Variants in TMX3 observed in about 807,000 individuals in gnomAD.
TMX3 encodes the protein thioredoxin related transmembrane protein 3.
In TMX3, 40 loss-of-function variants were observed where a neutral mutation model predicts 64.4. The observed-to-expected ratio is 0.62, with a 90% CI of 0.48 to 0.81. TMX3 has a LOEUF of 0.81. Ranked by LOEUF, TMX3 falls within the 30% of genes least tolerant of loss-of-function variation. TMX3 has a pLI of 0.00. For synonymous variants in TMX3, 189 were observed against 175.7 expected (o/e 1.08, Z -0.60); for missense variants, 497 against 534.5 (o/e 0.93, Z 0.69).
intron 8 of TMX3, 109 bp downstream of exon 8, chr18:68,697,117 A>C: frequency 1.6e-6 from 1 of 640,858 alleles, no homozygotes. Flanking sequence ...TAAATCTGAT[A>C]TTAAAATCAA....
chr18:68,678,423 G>A (rs902929455), intron 15 of TMX3, among the ~76,000 whole-genome samples: 6 of 152,040 alleles, frequency 3.9e-5, no homozygotes, highest in Non-Finnish European at 7.4e-5. Context: ...TCGTAAGAGT[G>A]TCAAGCGAGA....
chr18:68,696,599 C>T (rs1412370254), intron 8 of TMX3, among the ~76,000 whole-genome samples: 2 of 152,156 alleles, frequency 1.3e-5, no homozygotes, highest in East Asian at 3.9e-4. Context: ...GCCTCAGCCT[C>T]CCGAGTAACT....
chr18:68,681,342 T>C, intron 13 of TMX3: 1 of 646,586 alleles, frequency 1.5e-6, no homozygotes, highest in Non-Finnish European at 2.0e-6. Flanking sequence ...TCTTTAAGTC[T>C]TTTCAAATTA....
intron 8 of TMX3, among the ~76,000 whole-genome samples, chr18:68,694,049 C>T (rs1394977347): frequency 6.6e-6 from 1 of 152,144 alleles, no homozygotes; most frequent in African/African-American, 2.4e-5. Context: ...AATGAAGCTC[C>T]TCTCCACCTT....
intron 3 of TMX3, among the ~76,000 whole-genome samples, chr18:68,711,159 T>G (rs1249528192): frequency 6.6e-6 from 1 of 152,168 alleles, no homozygotes; most frequent in Non-Finnish European, 1.5e-5. Flanking sequence ...CAAAATTTCA[T>G]CAAAAATACG....
chr18:68,694,215 G>A (rs1393017626), intron 8 of TMX3, among the ~76,000 whole-genome samples: 1 of 152,166 alleles, frequency 6.6e-6, no homozygotes, highest in Non-Finnish European at 1.5e-5. Context: ...GGAGAGAAGA[G>A]CTGTAACCCT....
At chr18:68,677,856 A>G (rs531022426) in intron 15 of TMX3, among the ~76,000 whole-genome samples, 2 of 152,246 alleles carry the variant, frequency 1.3e-5, no homozygotes, top group South Asian at 2.1e-4. Flanking sequence ...TTCACAGAAT[A>G]AAGGTGTGTT....
At chr18:68,683,695 A>G (rs970911604) in intron 12 of TMX3, among the ~76,000 whole-genome samples, 6 of 152,138 alleles carry the variant, frequency 3.9e-5, no homozygotes, top group Admixed American at 2.0e-4. Flanking sequence ...AGGACATACC[A>G]TCAATGAATT....
chr18:68,685,645 C>T (rs1185062805), intron 10 of TMX3, among the ~76,000 whole-genome samples: 1 of 152,168 alleles, frequency 6.6e-6, no homozygotes, highest in African/African-American at 2.4e-5. Context: ...TAATGTACCA[C>T]ACACTGGGCT....
intron 10 of TMX3, chr18:68,686,878 G>A (rs1914014008): frequency 1.1e-5 from 11 of 984,960 alleles, no homozygotes; most frequent in Non-Finnish European, 1.3e-5. Flanking sequence ...CCCCCAAAAC[G>A]TTACAAACAG....
chr18:68,702,058 A>G (rs1455121261), intron 4 of TMX3, among the ~76,000 whole-genome samples: 1 of 151,094 alleles, frequency 6.6e-6, no homozygotes. Flanking sequence ...AAAATTTATA[A>G]AATACTTATT....
At chr18:68,701,878 G>A in intron 4 of TMX3, 88 bp from the exon 5 acceptor site, 1 of 1,064,938 alleles carries the variant, frequency 9.4e-7, no homozygotes, top group East Asian at 2.5e-5. Context: ...TAAAAATAGA[G>A]ATATTTATAC....
chr18:68,691,499 G>C (rs1462069391), intron 8 of TMX3, 138 bp from the exon 9 acceptor site: 1 of 545,414 alleles, frequency 1.8e-6, no homozygotes, highest in Non-Finnish European at 3.2e-6. Flanking sequence ...AACAGTTAAA[G>C]AGTACAGTCA....
rs185045628 is a variant in TMX3 at position 68,701,513 on chromosome 18, G to A, written c.311+232C>T. On this transcript the variant is annotated intron_variant, in intron 5 of 15. Coordinates refer to ENST00000299608, the MANE Select transcript of TMX3 (RefSeq NM_019022.5). The stretch of plus-strand genomic sequence containing the variant: ...ACTGTATACTTGTCCTGCACAGTGC[G>A]TGTCACACAGCAAGCAAAACACGTG... 47 of 847,430 alleles carry A rather than the reference G, an allele frequency of 5.5e-5. No individual in the cohort carries two copies. The East Asian group carries it at 1.2e-3, about 22-fold the overall frequency. The allele number at this position is 847,430 out of a possible 1,614,324, so 52.5% of individuals were successfully genotyped here.
intron 9 of TMX3, among the ~76,000 whole-genome samples, chr18:68,690,749 G>A (rs1472087361): frequency 1.3e-5 from 2 of 152,190 alleles, no homozygotes; most frequent in African/African-American, 2.4e-5. Context: ...GTTTAACTTC[G>A]GTGATGGGTA....
rs1366157887 is a variant in TMX3 at position 68,700,438 on chromosome 18, T to C, written c.359A>G (p.Asp120Gly). 2 of 1,582,746 alleles carry C rather than the reference T, an allele frequency of 1.3e-6. No individual in the cohort carries two copies. The highest frequency in any genetic ancestry group is 1.7e-6 in the Non-Finnish European group (2 of 1,166,076). Reference protein sequence around the residue: ...AYNYRGPRTKDDIIEFAHRVS... With the variant: ...AYNYRGPRTKGDIIEFAHRVS... ...TCTGTGAGCAAACTCAATAATATCA[T>C]CTTTTGTTCGTGGTCCTCTATAATT... The change falls in exon 6 of 16, where the codon GAT (aspartate) becomes GGT (glycine). Residue 120 changes from aspartate to glycine, a missense_variant. Physicochemically the swap from Asp to Gly is moderately conservative, Grantham distance 94. Transcript: ENST00000299608.
At position 68,676,899 on chromosome 18, in the gene TMX3, G is replaced by A. The variant is rs1239218855; in HGVS notation, c.*34C>T. ...CAATAAATAGACTCTTTAATAATTT[G>A]AAGTCCTAACAAATATTTTATAGTC... On this transcript the variant is annotated 3_prime_UTR_variant, in exon 16 of 16. Transcript: ENST00000299608. 4 of 1,582,758 alleles carry A rather than the reference G, an allele frequency of 2.5e-6. No individual in the cohort carries two copies. The highest frequency in any genetic ancestry group is 3.4e-6 in the Non-Finnish European group (4 of 1,166,736).
intron 1 of TMX3, 138 bp downstream of exon 1, chr18:68,714,798 G>A: frequency 2.5e-6 from 3 of 1,212,944 alleles, no homozygotes; most frequent in Non-Finnish European, 3.3e-6. Context: ...CGGCGGGGGC[G>A]GCAGGACGCT....
intron 4 of TMX3, among the ~76,000 whole-genome samples, chr18:68,703,555 C>T (rs2030338851): frequency 6.6e-6 from 1 of 152,200 alleles, no homozygotes; most frequent in African/African-American, 2.4e-5. Flanking sequence ...ACCCAACCCA[C>T]ATCCCTTGGC....
Sources: allele counts gnomAD v4.1 joint callset (sites outside exome capture counted in the v4.1 genomes callset), GRCh38; gene constraint gnomAD v4.1.1; transcripts MANE v1.5; gene names NCBI Gene and HGNC (gene_info 2026-07-23, HGNC 2026-07-21).